GBE1: variants seen among roughly 807,000 people sequenced by gnomAD.
GBE1 encodes 1,4-alpha-glucan branching enzyme 1, also known as 1,4-alpha-glucan-branching enzyme.
Under a neutral mutation model 88.8 loss-of-function variants are expected in GBE1, and 70 were observed. The observed-to-expected ratio is 0.79, with a 90% confidence interval of 0.65 to 0.96. The LOEUF (loss-of-function observed/expected upper bound fraction) is 0.96, where lower values mean the gene tolerates loss of function less well. GBE1 is among the 40% of genes least tolerant of loss of function. The pLI, the probability that GBE1 is intolerant of heterozygous loss-of-function variation, is 0.00. For synonymous variants in GBE1, 284 were observed against 300.1 expected (o/e 0.95, Z 0.56); for missense variants, 872 against 871.0 (o/e 1.00, Z -0.01).
At chr3:81,662,624 C>T (rs1705046753) in intron 3 of GBE1, among the ~76,000 whole-genome samples, 1 of 148,028 alleles carries the variant, frequency 6.8e-6, no homozygotes, top group South Asian at 2.1e-4. Context: ...CCATACTATG[C>T]ATCACATCAA....
chr3:81,581,201 A>C lies in GBE1; in HGVS notation c.1410T>G (p.Leu470=), dbSNP rs1220704463. The change falls in exon 11 of 16, where the codon CTT becomes CTG. Residue 470 remains leucine (L), a synonymous_variant. Coordinates refer to ENST00000429644, the MANE Select transcript of GBE1 (RefSeq NM_000158.4). ...TCTCTGCATAAGCAATGCACTTTTC[A>C]AGGTAGCGCCTGTTTGTGAGCGTGT... is the stretch of plus-strand genomic sequence containing the variant. ...IVYTLTNRRY[L]EKCIAYAESH... 3 of 1,606,976 alleles carry C rather than the reference A, an allele frequency of 1.9e-6. No homozygotes were observed. Among genetic ancestry groups the C allele is most frequent in the Non-Finnish European group, 1.7e-6 (2 of 1,176,940 alleles).
rs185942475 is a variant in GBE1, at chr3:81,665,638, G to T, written c.429+5200C>A. ...ACATTACATATAAGTGGTCTTCTTG[G>T]GATATGTTAATGGTTAATTTTAAAT... On this transcript the variant is annotated intron_variant, in intron 3 of 15. Coordinates refer to ENST00000429644, the MANE Select transcript of GBE1 (RefSeq NM_000158.4). Among the ~76,000 whole-genome samples the T allele has an allele frequency of 5.3e-5, 8 of 151,938 alleles. No individual in the cohort carries two copies. In the East Asian group the frequency reaches 1.4e-3, roughly 26 times the overall value.
At chr3:81,737,329 ATT>A (rs1272036247) in intron 1 of GBE1, among the ~76,000 whole-genome samples, 116 of 71,382 alleles carry the variant, frequency 1.6e-3, no homozygotes, top group South Asian at 0.01. Context: ...ATTTATATAT[ATT>A]TTTATATATA....
chr3:81,651,159 T>A (rs947490809), intron 3 of GBE1, among the ~76,000 whole-genome samples: 1 of 152,240 alleles, frequency 6.6e-6, no homozygotes, highest in African/African-American at 2.4e-5. Context: ...TAAATATTTG[T>A]ATAATGCCTT....
intron 1 of GBE1, among the ~76,000 whole-genome samples, chr3:81,756,481 A>C (rs1322104877): frequency 2.6e-5 from 4 of 152,342 alleles, no homozygotes; most frequent in Admixed American, 2.6e-4. Context: ...AGTTCTACAG[A>C]CTGAGGAATA....
At chr3:81,509,451 A>G (rs936897212) in intron 14 of GBE1, 5 of 152,020 alleles carry the variant, frequency 3.3e-5, no homozygotes, top group East Asian at 1.9e-4. Flanking sequence ...AGCTTTTAAC[A>G]TATTATAAAT....
At chr3:81,653,329 T>A (rs910298999) in intron 3 of GBE1, among the ~76,000 whole-genome samples, 2 of 151,830 alleles carry the variant, frequency 1.3e-5, no homozygotes, top group Non-Finnish European at 2.9e-5. Flanking sequence ...AAAATAAAAT[T>A]AAGCTAAATT....
intron 7 of GBE1, among the ~76,000 whole-genome samples, chr3:81,631,987 T>C (rs970821294): frequency 1.3e-5 from 2 of 152,050 alleles, no homozygotes; most frequent in African/African-American, 2.4e-5. Context: ...GGCCCTGGTG[T>C]GTGATGTTCC....
chr3:81,668,875 A>G (rs1361040251), intron 3 of GBE1, among the ~76,000 whole-genome samples: 1 of 152,176 alleles, frequency 6.6e-6, no homozygotes. Flanking sequence ...TACTGAGTGG[A>G]CTGTGTCCTA....
In GBE1 at chr3:81,733,491, G is replaced by A. The variant is rs1010422719; in HGVS notation, c.144-27878C>T. ...AAAATTGTCTTCCACAAAACCAGTC[G>A]CTGGTGCCAAAGTTTGGGGACCCCT... On this transcript the variant is annotated intron_variant, in intron 1 of 15. Coordinates refer to ENST00000429644, the MANE Select transcript of GBE1 (RefSeq NM_000158.4). The surrounding 1 kb of genome is among the most constrained non-coding windows in gnomAD (Gnocchi z 4.0). Among the ~76,000 whole-genome samples the A allele has an allele frequency of 1.3e-5, 2 of 151,946 alleles. No individual in the cohort carries two copies. Among genetic ancestry groups the A allele is most frequent in the Admixed American group, 6.6e-5 (1 of 15,244 alleles).
At chr3:81,510,995 A>G (rs1702719541) in intron 14 of GBE1, among the ~76,000 whole-genome samples, 1 of 152,172 alleles carries the variant, frequency 6.6e-6, no homozygotes, top group South Asian at 2.1e-4. Context: ...AGGTATATGT[A>G]TATCAAAACA....
intron 7 of GBE1, among the ~76,000 whole-genome samples, chr3:81,631,774 A>G (rs572715929): frequency 6.6e-6 from 1 of 152,012 alleles, no homozygotes; most frequent in South Asian, 2.1e-4. Flanking sequence ...AAAAATAAAA[A>G]ATTTTTAATG....
intron 2 of GBE1, among the ~76,000 whole-genome samples, chr3:81,702,313 G>C (rs909241031): frequency 2.6e-5 from 4 of 151,596 alleles, no homozygotes; most frequent in Admixed American, 1.3e-4. Context: ...CAGAATTCAG[G>C]CTCCACTCTC....
chr3:81,641,563 G>T (rs1704678949), intron 7 of GBE1, among the ~76,000 whole-genome samples: 1 of 152,058 alleles, frequency 6.6e-6, no homozygotes, highest in Non-Finnish European at 1.5e-5. Context: ...TAAAAAGCCT[G>T]AGAATAAGAA....
intron 3 of GBE1, among the ~76,000 whole-genome samples, chr3:81,668,804 C>G (rs1705149643): frequency 6.6e-6 from 1 of 152,174 alleles, no homozygotes; most frequent in African/African-American, 2.4e-5. Flanking sequence ...AACAGCCCAT[C>G]CTGCCTCTTC....
chr3:81,701,939 T>C (rs1179958330), intron 2 of GBE1, among the ~76,000 whole-genome samples: 1 of 150,696 alleles, frequency 6.6e-6, no homozygotes, highest in Non-Finnish European at 1.5e-5. Flanking sequence ...TATATTTGAT[T>C]ATTCTAAGTA....
intron 14 of GBE1, among the ~76,000 whole-genome samples, chr3:81,528,288 T>C (rs1702972682): frequency 6.6e-6 from 1 of 151,490 alleles, no homozygotes; most frequent in African/African-American, 2.4e-5. Context: ...GACGAGTTAA[T>C]GGGTGCAAGC....
At chr3:81,658,333 C>A (rs985660081) in intron 3 of GBE1, among the ~76,000 whole-genome samples, 2 of 151,854 alleles carry the variant, frequency 1.3e-5, no homozygotes, top group Non-Finnish European at 2.9e-5. Context: ...GGATAACAGA[C>A]ACCAATGTAT....
chr3:81,700,891 A>C, intron 2 of GBE1, among the ~76,000 whole-genome samples: 1 of 152,146 alleles, frequency 6.6e-6, no homozygotes, highest in East Asian at 1.9e-4. Flanking sequence ...CAGACTTAGT[A>C]ATTTTAAATG....
Sources: allele counts gnomAD v4.1 joint callset (sites outside exome capture counted in the v4.1 genomes callset), GRCh38; gene constraint gnomAD v4.1.1; non-coding constraint Gnocchi (gnomAD v3.1); transcripts MANE v1.5; gene names NCBI Gene and HGNC (gene_info 2026-07-23, HGNC 2026-07-21).